ATXN7L1: variants seen among roughly 807,000 people sequenced by gnomAD.
ATXN7L1 encodes ataxin 7 like 1.
Under a neutral mutation model 70.8 loss-of-function variants are expected in ATXN7L1, and 15 were observed. That is an observed-to-expected ratio of 0.21 (90% CI 0.14 to 0.33). The LOEUF is 0.33. Ranked by LOEUF, ATXN7L1 falls within the 10% of genes least tolerant of loss-of-function variation. The pLI, the probability that ATXN7L1 is intolerant of heterozygous loss-of-function variation, is 1.00. For missense variants in ATXN7L1, 975 were observed against 1,097.1 expected, an observed-to-expected ratio of 0.89 and a Z score of 1.57; for synonymous variants, 440 against 445.1, an observed-to-expected ratio of 0.99 and a Z score of 0.14.
At chr7:105,802,922 C>T (rs779106344) in intron 2 of ATXN7L1, among the ~76,000 whole-genome samples, 3 of 152,202 alleles carry the variant, frequency 2.0e-5, no homozygotes, top group Non-Finnish European at 4.4e-5. Flanking sequence ...TCTGTGATTC[C>T]AGCAGCTTCG....
intron 2 of ATXN7L1, among the ~76,000 whole-genome samples, chr7:105,839,054 C>T (rs1035126032): frequency 6.9e-4 from 105 of 152,316 alleles, no homozygotes; most frequent in African/African-American, 2.4e-3. Flanking sequence ...CCAGCCCCTG[C>T]GGGAAGCCAC....
At chr7:105,623,558 A>AAC (rs1010322485) in intron 8 of ATXN7L1, among the ~76,000 whole-genome samples, 5 of 152,286 alleles carry the variant, frequency 3.3e-5, no homozygotes, top group South Asian at 2.1e-4. Context: ...TCTTTCCTTC[A>AAC]ACACACACAC....
At chr7:105,679,058 C>G in intron 3 of ATXN7L1, 1 of 985,626 alleles carries the variant, frequency 1.0e-6, no homozygotes, top group Non-Finnish European at 1.2e-6. Context: ...TTACACATCC[C>G]GGGGAGGCTG....
intron 3 of ATXN7L1, among the ~76,000 whole-genome samples, chr7:105,703,771 G>GT (rs1462189277): frequency 1.3e-5 from 2 of 152,190 alleles, no homozygotes; most frequent in East Asian, 3.8e-4. Flanking sequence ...GGAAAACAGT[G>GT]TAACAGTGTC....
chr7:105,720,312 T>C (rs938783537), intron 3 of ATXN7L1, among the ~76,000 whole-genome samples: 3 of 152,104 alleles, frequency 2.0e-5, no homozygotes, highest in African/African-American at 2.4e-5. Flanking sequence ...GGTGGGTGAA[T>C]TGCCTGAGGT....
At chr7:105,855,505 T>C (rs1011903898) in intron 2 of ATXN7L1, among the ~76,000 whole-genome samples, 6 of 152,222 alleles carry the variant, frequency 3.9e-5, no homozygotes, top group South Asian at 2.1e-4. Context: ...TGATATCACA[T>C]TGACAGCTTG....
Position 105,788,585 on chromosome 7 carries a change from G to A in ATXN7L1, c.355+19C>T, listed in dbSNP as rs766509463. 4.0e-5 allele frequency: 64 copies of A among 1,581,452 alleles called. No homozygotes were observed. The highest frequency in any genetic ancestry group is 3.3e-4 in the Admixed American group (20 of 59,948). ...GGCGGCAGCTGCAGATGTGGCCGAC[G>A]GTGCAGGGGTCCACTTACCGCAGTG... On this transcript the variant is annotated intron_variant, in intron 3 of 11. Transcript: ENST00000419735.
intron 3 of ATXN7L1, among the ~76,000 whole-genome samples, chr7:105,692,319 G>A (rs1264233548): frequency 6.6e-6 from 1 of 152,182 alleles, no homozygotes. Flanking sequence ...GAATTTGTCA[G>A]TTGGTAAATC....
At chr7:105,763,833 T>C (rs1428151865) in intron 3 of ATXN7L1, among the ~76,000 whole-genome samples, 1 of 151,952 alleles carries the variant, frequency 6.6e-6, no homozygotes, top group South Asian at 2.1e-4. Flanking sequence ...GGGCAAAATG[T>C]AGTTTTTTTT....
chr7:105,863,161 A>T (rs1423906552), intron 2 of ATXN7L1, among the ~76,000 whole-genome samples: 1 of 152,224 alleles, frequency 6.6e-6, no homozygotes, highest in Non-Finnish European at 1.5e-5. Context: ...GAGAGAAATC[A>T]TCACTCTAGA....
intron 3 of ATXN7L1, among the ~76,000 whole-genome samples, chr7:105,751,966 G>A (rs984368780): frequency 3.5e-4 from 53 of 152,320 alleles, no homozygotes; most frequent in Non-Finnish European, 7.4e-4. Flanking sequence ...CAGCTCTCAA[G>A]GGAAGAAGCA....
Position 105,605,921 on chromosome 7 carries a change from A to G in ATXN7L1, c.*1931T>C, listed in dbSNP as rs893377993. ...TGGTCAGTTAGCTCTGTAATATAGTAAAACATAAATTATTACAAAATTAAC... is the reference window on the plus strand; with the variant it reads ...TGGTCAGTTAGCTCTGTAATATAGTGAAACATAAATTATTACAAAATTAAC... On this transcript the variant is annotated 3_prime_UTR_variant, in exon 12 of 12. Transcript: ENST00000419735. The G allele has an allele frequency of 2.4e-4, 36 of 152,316 alleles. No individual in the cohort carries two copies. Among genetic ancestry groups the G allele is most frequent in the African/African-American group, 8.4e-4 (35 of 41,584 alleles). 9.4% of individuals were successfully genotyped at this position (152,316 alleles called of 1,614,324 possible).
At chr7:105,782,130 G>A (rs1168374143) in intron 3 of ATXN7L1, among the ~76,000 whole-genome samples, 1 of 152,162 alleles carries the variant, frequency 6.6e-6, no homozygotes, top group Non-Finnish European at 1.5e-5. Context: ...CACTGCGCCT[G>A]GCCTAGAGCT....
At position 105,607,572 on chromosome 7, in the gene ATXN7L1, GACCCCAAATTTGGAAGA is replaced by G; in HGVS notation, c.*263_*279del. ...TAGCAGCATCAGGAGCTAGGGGAGT[GACCCCAAATTTGGAAGA>G]ATGTAAAAACATGGCAAATGAAAGG... On this transcript the variant is annotated 3_prime_UTR_variant, in exon 12 of 12. Transcript: ENST00000419735. 4.1e-6 allele frequency: 2 copies of G among 490,846 alleles called. No homozygotes were observed. Among genetic ancestry groups the G allele is most frequent in the South Asian group, 5.4e-5 (2 of 36,906 alleles). The allele number at this position is 490,846 out of a possible 1,614,324, so 30.4% of individuals were successfully genotyped here. A position where few individuals can be genotyped will look rare whatever the true frequency, so the allele number is the denominator to read the frequency against.
chr7:105,645,731 T>C (rs1369891696), intron 4 of ATXN7L1, among the ~76,000 whole-genome samples: 1 of 151,090 alleles, frequency 6.6e-6, no homozygotes, highest in Non-Finnish European at 1.5e-5. Context: ...GAGAATGGCG[T>C]GAACCCAGGA....
intron 10 of ATXN7L1, 33 bp downstream of exon 10, chr7:105,613,829 A>G (rs767537442): frequency 1.1e-4 from 168 of 1,551,542 alleles, no homozygotes; most frequent in Non-Finnish European, 1.4e-4. Context: ...TGCCCCCCAG[A>G]GCCGGTGAAG....
chr7:105,683,833 G>T (rs1805846929), intron 3 of ATXN7L1, among the ~76,000 whole-genome samples: 1 of 152,098 alleles, frequency 6.6e-6, no homozygotes, highest in Non-Finnish European at 1.5e-5. Flanking sequence ...TTGCCAACCT[G>T]ATCGTTCATC....
intron 2 of ATXN7L1, among the ~76,000 whole-genome samples, chr7:105,838,514 T>A (rs1812739682): frequency 6.6e-6 from 1 of 152,188 alleles, no homozygotes; most frequent in Non-Finnish European, 1.5e-5. Flanking sequence ...GATTTCAGCC[T>A]TTTGATATAA....
chr7:105,665,564 A>AAAACCAC (rs1314959513), intron 3 of ATXN7L1, among the ~76,000 whole-genome samples: 1 of 152,212 alleles, frequency 6.6e-6, no homozygotes, highest in Non-Finnish European at 1.5e-5. Context: ...ATCTTTCTGC[A>AAAACCAC]AAACCACTTC....
Sources: allele counts gnomAD v4.1 joint callset (sites outside exome capture counted in the v4.1 genomes callset), GRCh38; gene constraint gnomAD v4.1.1; transcripts MANE v1.5; gene names NCBI Gene and HGNC (gene_info 2026-07-23, HGNC 2026-07-21).